RPGRIP1L: variants seen among roughly 807,000 people sequenced by gnomAD.
RPGRIP1L encodes RPGRIP1 like, also known as protein fantom.
In RPGRIP1L, 131 loss-of-function variants were observed where a neutral mutation model predicts 160.4. That is an observed-to-expected ratio of 0.82 (90% CI 0.71 to 0.94). The LOEUF is 0.94. Among genes scored for constraint, RPGRIP1L ranks in the 40% least tolerant of loss-of-function variants. The pLI, the probability that RPGRIP1L is intolerant of heterozygous loss-of-function variation, is 0.00. For synonymous variants in RPGRIP1L, 510 were observed against 515.8 expected, an observed-to-expected ratio of 0.99 and a Z score of 0.15; for missense variants, 1,522 against 1,535.8, an observed-to-expected ratio of 0.99 and a Z score of 0.15.
At chr16:53,655,288 T>C (rs1967155294) in intron 14 of RPGRIP1L, among the ~76,000 whole-genome samples, 1 of 152,240 alleles carries the variant, frequency 6.6e-6, no homozygotes, top group Admixed American at 6.5e-5. Flanking sequence ...GGTACTTTAA[T>C]TTATGTTAAC....
intron 2 of RPGRIP1L, among the ~76,000 whole-genome samples, chr16:53,698,985 T>C (rs1971137851): frequency 6.6e-6 from 1 of 152,120 alleles, no homozygotes; most frequent in Admixed American, 6.5e-5. Flanking sequence ...AATCGGATGG[T>C]TGCCGTGTCT....
chr16:53,686,348 G>T, intron 6 of RPGRIP1L, 85 bp downstream of exon 6: 1 of 1,387,406 alleles, frequency 7.2e-7, no homozygotes, highest in Non-Finnish European at 1.0e-6. Context: ...AAATAGACTA[G>T]ATAAACTTAT....
At chr16:53,627,822 T>A (rs543940766) in intron 22 of RPGRIP1L, among the ~76,000 whole-genome samples, 2 of 151,194 alleles carry the variant, frequency 1.3e-5, no homozygotes, top group East Asian at 3.9e-4. Context: ...TACAGAATCC[T>A]ATTTATATTG....
chr16:53,619,053 C>T lies in RPGRIP1L; in HGVS notation c.3588G>A (p.Gly1196=). ...TGCTATAGTTATAGTAGACCCACTG[C>T]CCACTCTTGGGTTTTGGAAGTGACA... ...TPVSLPKPKS[G]QWVYYNYSNV... The change falls in exon 24 of 27, where the codon GGG becomes GGA. Residue 1196 remains glycine, a synonymous_variant. Coordinates refer to ENST00000647211, the MANE Select transcript of RPGRIP1L (RefSeq NM_015272.5). 2 of 1,613,822 alleles carry T rather than the reference C, an allele frequency of 1.2e-6. No individual in the cohort carries two copies. Among genetic ancestry groups the T allele is most frequent in the Non-Finnish European group, 1.7e-6 (2 of 1,179,790 alleles).
chr16:53,615,470 ATATTTTTTTTTT>A (rs1481855749), intron 24 of RPGRIP1L, among the ~76,000 whole-genome samples: 1 of 85,268 alleles, frequency 1.2e-5, no homozygotes, highest in Non-Finnish European at 2.1e-5. Context: ...ATATATATAT[ATATTTTTTTTTT>A]TTTTTTTTTG....
At chr16:53,646,958 T>C (rs570418242) in intron 16 of RPGRIP1L, among the ~76,000 whole-genome samples, 210 of 152,238 alleles carry the variant, frequency 1.4e-3, no homozygotes, top group African/African-American at 4.8e-3. Flanking sequence ...CCCTCAGCAA[T>C]AGAAGGCTGA....
rs764321172 is a variant in RPGRIP1L, at chr16:53,605,479, A to ACCATCGATATTTTGC, written c.3822_3835+1dup. On this transcript the variant is annotated splice_donor_variant, in intron 26 of 26. Transcript: ENST00000647211. LOFTEE classifies it high-confidence loss of function. ...CAAACTGAGCAACACTTTCACCCAT[A>ACCATCGATATTTTGC]CCATCGATATTTTGCTCAATGAGGT... is the stretch of plus-strand genomic sequence containing the variant. 6.2e-7 allele frequency: 1 copy of ACCATCGATATTTTGC among 1,614,122 alleles called. No individual in the cohort carries two copies. The highest frequency in any genetic ancestry group is 8.5e-7 in the Non-Finnish European group (1 of 1,179,996).
In RPGRIP1L at chr16:53,658,817, C is replaced by G. The variant is rs781386190; in HGVS notation, c.1305G>C (p.Lys435Asn). Residue 435 changes from lysine to asparagine, a missense_variant, in exon 11 of 27, where the codon AAG (lysine) becomes AAC (asparagine). Coordinates refer to ENST00000647211, the MANE Select transcript of RPGRIP1L (RefSeq NM_015272.5). ...GTTTTTTAAGTTCATCAAGTTGTTGCTTTTGTTCCAGATACTGTAACTGTA... is the reference window on the plus strand; with the variant it reads ...GTTTTTTAAGTTCATCAAGTTGTTGGTTTTGTTCCAGATACTGTAACTGTA... ...RELQLQYLEQ[K>N]QQLDELKKRI... 6.2e-7 allele frequency: 1 copy of G among 1,609,172 alleles called. No homozygotes were observed. Among genetic ancestry groups the G allele is most frequent in the Non-Finnish European group, 8.5e-7 (1 of 1,177,106 alleles).
chr16:53,703,567 G>A (rs1165155293), intron 1 of RPGRIP1L: 2 of 172,650 alleles, frequency 1.2e-5, no homozygotes, highest in African/African-American at 4.7e-5. Flanking sequence ...TCATGGCTGG[G>A]ATATAACATT....
intron 2 of RPGRIP1L, among the ~76,000 whole-genome samples, chr16:53,697,011 T>C (rs868668796): frequency 6.6e-6 from 1 of 152,078 alleles, no homozygotes; most frequent in African/African-American, 2.4e-5. Context: ...CTGGCCAACA[T>C]GGTGAAACCC....
intron 10 of RPGRIP1L, 149 bp from the exon 11 acceptor site, chr16:53,659,027 C>G (rs907537481): frequency 1.2e-5 from 8 of 690,008 alleles, no homozygotes; most frequent in Non-Finnish European, 1.5e-5. Context: ...TCGACAAAGA[C>G]AGCAGGGGAA....
At chr16:53,605,325 A>G (rs1963607370) in intron 26 of RPGRIP1L, 156 bp downstream of exon 26, 5 of 766,816 alleles carry the variant, frequency 6.5e-6, no homozygotes, top group Non-Finnish European at 1.2e-5. Flanking sequence ...ATATAGGAAG[A>G]CGCTTCAGCT....
rs1458056741 is a variant in RPGRIP1L at position 53,622,237 on chromosome 16, A to G, written c.3414T>C (p.Gly1138=). ...AAATTACCTGGGTGTGGTGGCAGGC[A>G]CCTGTAATCCCATCTACTTGGGAGG... The part of the protein sequence containing the change: ...ASASQVDGIT[G]ACHHTQPSEK... The change falls in exon 23 of 27, where the codon GGT becomes GGC. Residue 1138 remains glycine (G), a synonymous_variant. Coordinates refer to ENST00000647211, the MANE Select transcript of RPGRIP1L (RefSeq NM_015272.5). 3.0e-6 allele frequency: 2 copies of G among 660,580 alleles called. No individual in the cohort carries two copies. Among genetic ancestry groups the G allele is most frequent in the Non-Finnish European group, 5.5e-6 (2 of 366,056 alleles). The allele number at this position is 660,580 out of a possible 1,614,324, so 40.9% of individuals were successfully genotyped here.
intron 3 of RPGRIP1L, chr16:53,693,560 T>C (rs1469349654): frequency 6.6e-6 from 1 of 152,212 alleles, no homozygotes; most frequent in African/African-American, 2.4e-5. Flanking sequence ...AAGATTGTTT[T>C]CTCTTTCCCT....
rs11075982 is a variant in RPGRIP1L at position 53,686,212 on chromosome 16, C to T, written c.776+221G>A. Among the ~76,000 whole-genome samples, 7,776 of 152,176 alleles carry T rather than the reference C, an allele frequency of 0.051. 400 individuals are homozygous for T. Among genetic ancestry groups the T allele is most frequent in the East Asian group, 0.3 (1,556 of 5,130 alleles). On this transcript the variant is annotated intron_variant, in intron 6 of 26. Coordinates refer to ENST00000647211, the MANE Select transcript of RPGRIP1L (RefSeq NM_015272.5). ...GAAAACAAGATGAGGGTGATTTCCACGCATCAGAAGCTGCTTAAAAGCACA... is the reference window on the plus strand; with the variant it reads ...GAAAACAAGATGAGGGTGATTTCCATGCATCAGAAGCTGCTTAAAAGCACA...
At chr16:53,697,565 T>G (rs1475053320) in intron 2 of RPGRIP1L, among the ~76,000 whole-genome samples, 1 of 152,224 alleles carries the variant, frequency 6.6e-6, no homozygotes, top group Non-Finnish European at 1.5e-5. Flanking sequence ...GGTTTCGCTG[T>G]GTTGGCCGGG....
intron 21 of RPGRIP1L, among the ~76,000 whole-genome samples, chr16:53,636,950 AC>A: frequency 1.1e-5 from 1 of 87,262 alleles, no homozygotes; most frequent in Non-Finnish European, 2.3e-5. Flanking sequence ...TGACACACAC[AC>A]ACACACACAC....
intron 3 of RPGRIP1L, among the ~76,000 whole-genome samples, chr16:53,693,124 C>T (rs963941066): frequency 1.3e-5 from 2 of 152,036 alleles, no homozygotes; most frequent in Admixed American, 6.5e-5. Flanking sequence ...TATACACGTA[C>T]GGAAAACATG....
chr16:53,650,717 A>G (rs1009013829), intron 15 of RPGRIP1L, among the ~76,000 whole-genome samples: 3 of 152,140 alleles, frequency 2.0e-5, no homozygotes, highest in African/African-American at 7.2e-5. Context: ...TCAATCACTC[A>G]ATTAATAAAA....
Sources: allele counts gnomAD v4.1 joint callset (sites outside exome capture counted in the v4.1 genomes callset), GRCh38; gene constraint gnomAD v4.1.1; transcripts MANE v1.5; gene names NCBI Gene and HGNC (gene_info 2026-07-23, HGNC 2026-07-21).